Variants in CLTRN observed in about 807,000 individuals in gnomAD.
CLTRN encodes the protein collectrin, amino acid transport regulator.
CLTRN carries 12 observed loss-of-function variants against 14.5 expected under a neutral mutation model. That is an observed-to-expected ratio of 0.83 (90% CI 0.53 to 1.34). The LOEUF (loss-of-function observed/expected upper bound fraction) is 1.34. CLTRN is among the 40% of genes most tolerant of loss of function. CLTRN has a pLI of 0.00. For missense variants in CLTRN, 154 were observed against 165.1 expected, an observed-to-expected ratio of 0.93 and a Z score of 0.37; for synonymous variants, 58 against 56.5, an observed-to-expected ratio of 1.03 and a Z score of -0.12.
chrX:15,657,563 G>C (rs1929402338), intron 3 of CLTRN, among the ~76,000 whole-genome samples: 2 of 111,977 alleles, frequency 1.8e-5, no homozygotes, highest in African/African-American at 6.5e-5. Flanking sequence ...CTTACAAGAA[G>C]GGCTAGAAGA....
intron 1 of CLTRN, 123 bp downstream of exon 1, chrX:15,664,595 C>G: frequency 1.4e-6 from 1 of 737,507 alleles, no homozygotes; most frequent in Non-Finnish European, 2.0e-6. Flanking sequence ...TAAACACTCA[C>G]TGCCCCAACT....
intron 5 of CLTRN, among the ~76,000 whole-genome samples, chrX:15,632,271 C>T (rs1311552512): frequency 8.9e-6 from 1 of 112,125 alleles, no homozygotes; most frequent in African/African-American, 3.2e-5. Flanking sequence ...CATTTCTGTC[C>T]CCCTTCAAAC....
chrX:15,634,233 T>C (rs1316817008), intron 5 of CLTRN, among the ~76,000 whole-genome samples: 1 of 111,825 alleles, frequency 8.9e-6, no homozygotes, highest in Non-Finnish European at 1.9e-5. Flanking sequence ...TAAATTGATA[T>C]AGCACTTTCT....
At chrX:15,667,530 C>G (rs1453645899), upstream of CLTRN, among the ~76,000 whole-genome samples, 1 of 112,301 alleles carries the variant, frequency 8.9e-6, no homozygotes, top group Non-Finnish European at 1.9e-5. Flanking sequence ...TAAAAATCAC[C>G]TGTAATTCCA....
chrX:15,641,624 C>A (rs1032023767), intron 4 of CLTRN, among the ~76,000 whole-genome samples: 3 of 97,173 alleles, frequency 3.1e-5, no homozygotes, highest in Middle Eastern at 5.1e-3. Context: ...AGGTGTGTGC[C>A]ACCACACCTG....
At chrX:15,661,245 A>T (rs916695698) in intron 2 of CLTRN, among the ~76,000 whole-genome samples, 1 of 112,235 alleles carries the variant, frequency 8.9e-6, no homozygotes, top group African/African-American at 3.2e-5. Context: ...ATGAAAATAA[A>T]GATGTTAGCC....
In CLTRN at chrX:15,659,686, T is replaced by C. The variant is rs745824544; in HGVS notation, c.118-585A>G. Among the ~76,000 whole-genome samples the C allele has an allele frequency of 9.0e-5, 10 of 110,888 alleles. No homozygotes were observed. The South Asian group carries it at 3.4e-3, about 38-fold the overall frequency. On this transcript the variant is annotated intron_variant, in intron 2 of 5. Transcript: ENST00000380342. ...TGGAGTGGGCCCTAATCCACTATGA[T>C]TGGTGTCCTTAGAAGAGGAAATCTG...
chrX:15,675,557 C>T, upstream of CLTRN: 1 of 113,917 alleles, frequency 8.8e-6, no homozygotes, highest in Non-Finnish European at 1.9e-5. Flanking sequence ...AGATGTGTAG[C>T]CAGAGCGCAG....
intron 5 of CLTRN, among the ~76,000 whole-genome samples, chrX:15,636,007 C>T (rs1259360329): frequency 2.7e-5 from 3 of 111,808 alleles, no homozygotes; most frequent in Non-Finnish European, 3.8e-5. Context: ...GATACCACCT[C>T]ACGCCTATTA....
At chrX:15,657,642 T>C (rs1403230557) in intron 3 of CLTRN, among the ~76,000 whole-genome samples, 1 of 111,188 alleles carries the variant, frequency 9.0e-6, no homozygotes, top group East Asian at 2.8e-4. Context: ...TTATTTTTTT[T>C]TTCCTGTTCA....
chrX:15,666,347 A>G (rs1243891134), upstream of CLTRN, among the ~76,000 whole-genome samples: 6 of 111,890 alleles, frequency 5.4e-5, no homozygotes, highest in Non-Finnish European at 1.1e-4. Flanking sequence ...GATGCCAATC[A>G]ACGCCCCGCC....
intron 3 of CLTRN, chrX:15,646,462 A>ACCCC (rs111413791): frequency 5.0e-4 from 89 of 177,461 alleles, no homozygotes; most frequent in Non-Finnish European, 6.7e-4. Context: ...CCGCGCACCC[A>ACCCC]CCCCCCCGCC....
chrX:15,644,238 G>A (rs1383569887), intron 4 of CLTRN, among the ~76,000 whole-genome samples: 1 of 111,555 alleles, frequency 9.0e-6, no homozygotes, highest in Non-Finnish European at 1.9e-5. Flanking sequence ...CATCTCTTAC[G>A]GTCTTTGAGC....
At chrX:15,663,400 TTAC>T (rs1017061197) in intron 2 of CLTRN, among the ~76,000 whole-genome samples, 3 of 112,242 alleles carry the variant, frequency 2.7e-5, no homozygotes, top group African/African-American at 9.7e-5. Flanking sequence ...ATTGAGCATG[TTAC>T]TTAATTTCTT....
chrX:15,661,498 T>C (rs1031939037), intron 2 of CLTRN, among the ~76,000 whole-genome samples: 1 of 112,329 alleles, frequency 8.9e-6, no homozygotes, highest in Admixed American at 9.4e-5. Flanking sequence ...GTGAAAAGGA[T>C]TGAAAGCTTG....
chrX:15,664,809 A>G (rs1469053677), upstream of CLTRN: 5 of 1,073,626 alleles, frequency 4.7e-6, no homozygotes, highest in African/African-American at 1.9e-5. Context: ...GCAAAGTGAG[A>G]AAAAAAAAAT....
intron 5 of CLTRN, 43 bp from the exon 6 acceptor site, chrX:15,628,170 A>G: frequency 1.0e-6 from 1 of 981,429 alleles, no homozygotes; most frequent in Non-Finnish European, 1.3e-6. Context: ...TAGAAGGACC[A>G]TAACCATGGT....
At chrX:15,666,522 T>G (rs1043044494), upstream of CLTRN, among the ~76,000 whole-genome samples, 1 of 112,324 alleles carries the variant, frequency 8.9e-6, no homozygotes, top group African/African-American at 3.2e-5. Context: ...GAGGAAAATA[T>G]CAACAATGAG....
At chrX:15,653,085 A>C (rs886741545) in intron 3 of CLTRN, among the ~76,000 whole-genome samples, 13 of 111,880 alleles carry the variant, frequency 1.2e-4, no homozygotes, top group African/African-American at 3.3e-4. Flanking sequence ...CATCTCAAAA[A>C]AAAACAAATA....
Sources: allele counts gnomAD v4.1 joint callset (sites outside exome capture counted in the v4.1 genomes callset), GRCh38; gene constraint gnomAD v4.1.1; transcripts MANE v1.5; gene names NCBI Gene and HGNC (gene_info 2026-07-23, HGNC 2026-07-21).